Variants in RBMS3 observed in about 807,000 individuals in gnomAD.
RBMS3 encodes RNA binding motif single stranded interacting protein 3.
A neutral mutation model predicts 66.8 loss-of-function variants in RBMS3; 27 were observed. The ratio of observed to expected loss-of-function variants is 0.40; its 90% CI spans 0.30 to 0.56. The LOEUF is 0.56. Ranked by LOEUF, RBMS3 falls within the 20% of genes least tolerant of loss-of-function variation. The pLI is 0.40. For missense variants in RBMS3, 513 were observed against 549.5 expected (o/e 0.93, Z 0.66); for synonymous variants, 188 against 183.0 (o/e 1.03, Z -0.22).
intron 4 of RBMS3, among the ~76,000 whole-genome samples, chr3:29,590,101 G>A (rs2047675308): frequency 6.7e-6 from 1 of 148,196 alleles, no homozygotes; most frequent in South Asian, 2.2e-4. Flanking sequence ...TTTTTTTTTG[G>A]TATCAAAAGT....
intron 10 of RBMS3, among the ~76,000 whole-genome samples, chr3:29,922,495 A>C (rs1384203760): frequency 2.0e-4 from 1 of 5,022 alleles, no homozygotes; most frequent in South Asian, 0.013. Context: ...CTCCGTCTCA[A>C]AAAAAAAAAA....
intron 1 of RBMS3, among the ~76,000 whole-genome samples, chr3:29,357,293 G>A (rs149923839): frequency 0.16 from 23,531 of 151,784 alleles, 1,894 homozygotes; most frequent in East Asian, 0.22. Flanking sequence ...GTGAGAACAC[G>A]CGGTGTTTGG....
chr3:29,704,756 T>C (rs1325941338), intron 4 of RBMS3, among the ~76,000 whole-genome samples: 1 of 152,216 alleles, frequency 6.6e-6, no homozygotes, highest in Non-Finnish European at 1.5e-5. Flanking sequence ...ATTGAAATAA[T>C]TTAAAAAATT....
chr3:29,525,711 G>C (rs2045066472), intron 3 of RBMS3, among the ~76,000 whole-genome samples: 1 of 152,042 alleles, frequency 6.6e-6, no homozygotes, highest in Non-Finnish European at 1.5e-5. Context: ...TTCAATCTTT[G>C]TTCCCTAAAC....
chr3:29,452,334 G>T (rs942473993), intron 2 of RBMS3, among the ~76,000 whole-genome samples: 2 of 152,138 alleles, frequency 1.3e-5, no homozygotes, highest in African/African-American at 2.4e-5. Flanking sequence ...AAGCAAAAAT[G>T]AGAAAACCCA....
intron 1 of RBMS3, among the ~76,000 whole-genome samples, chr3:29,413,376 A>T (rs768504215): frequency 8.5e-5 from 5 of 58,698 alleles, no homozygotes; most frequent in African/African-American, 4.0e-4. Flanking sequence ...TCTCATTCAT[A>T]CATACATACA....
intron 4 of RBMS3, among the ~76,000 whole-genome samples, chr3:29,619,309 T>G (rs2077979): frequency 6.6e-6 from 1 of 151,342 alleles, no homozygotes; most frequent in African/African-American, 2.4e-5. Context: ...AGTTTTAGTT[T>G]AAAAAAAGAA....
At chr3:29,754,885 A>G (rs2055336960) in intron 5 of RBMS3, among the ~76,000 whole-genome samples, 1 of 152,204 alleles carries the variant, frequency 6.6e-6, no homozygotes, top group South Asian at 2.1e-4. Flanking sequence ...GTCAGGAACA[A>G]AAATGCCTTA....
intron 6 of RBMS3, among the ~76,000 whole-genome samples, chr3:29,790,544 G>A (rs527359073): frequency 1.2e-4 from 19 of 152,022 alleles, no homozygotes; most frequent in Non-Finnish European, 2.4e-4. Context: ...GAATATCAAC[G>A]CTCTCAGAAG....
At chr3:29,617,692 G>A (rs1319626481) in intron 4 of RBMS3, among the ~76,000 whole-genome samples, 5 of 152,120 alleles carry the variant, frequency 3.3e-5, no homozygotes, top group African/African-American at 4.8e-5. Context: ...TGGGTTTTGT[G>A]TTGTTCATTT....
At chr3:29,995,456 T>TA (rs1699162957) in intron 14 of RBMS3, among the ~76,000 whole-genome samples, 1 of 151,692 alleles carries the variant, frequency 6.6e-6, no homozygotes, top group Admixed American at 6.6e-5. Context: ...CCAAGACACA[T>TA]AATTGTCAGA....
chr3:29,996,455 C>A (rs1377098216), intron 14 of RBMS3, among the ~76,000 whole-genome samples: 1 of 149,818 alleles, frequency 6.7e-6, no homozygotes, highest in Non-Finnish European at 1.5e-5. Context: ...CCCAAATCAA[C>A]AGAATATACA....
chr3:29,312,578 T>C (rs1041445639), intron 1 of RBMS3, among the ~76,000 whole-genome samples: 3 of 151,786 alleles, frequency 2.0e-5, no homozygotes, highest in South Asian at 4.1e-4. Flanking sequence ...TCTCTTCTTT[T>C]TGCATTTATA....
chr3:29,595,723 G>C (rs2047922985), intron 4 of RBMS3, among the ~76,000 whole-genome samples: 1 of 152,162 alleles, frequency 6.6e-6, no homozygotes, highest in South Asian at 2.1e-4. Flanking sequence ...GAAAACTATT[G>C]GTTGTATGAC....
intron 1 of RBMS3, among the ~76,000 whole-genome samples, chr3:29,352,021 G>A (rs940240455): frequency 2.0e-5 from 3 of 151,800 alleles, no homozygotes; most frequent in African/African-American, 4.8e-5. Context: ...AAATTTGGTT[G>A]CGTCATTATG....
chr3:29,404,587 T>C (rs2039938085), intron 1 of RBMS3, among the ~76,000 whole-genome samples: 1 of 152,130 alleles, frequency 6.6e-6, no homozygotes, highest in South Asian at 2.1e-4. Flanking sequence ...AGCTCTTTTG[T>C]TTCCATCAGC....
intron 3 of RBMS3, among the ~76,000 whole-genome samples, chr3:29,544,084 G>A (rs1378508221): frequency 6.6e-6 from 1 of 152,002 alleles, no homozygotes; most frequent in East Asian, 1.9e-4. Flanking sequence ...AGTTGTCATT[G>A]CTTCCCTAAC....
At chr3:29,688,564 A>ATTTTTTTTTT (rs55943638) in intron 4 of RBMS3, among the ~76,000 whole-genome samples, 4 of 67,130 alleles carry the variant, frequency 6.0e-5, no homozygotes, top group African/African-American at 2.3e-4. Flanking sequence ...AAGTTACAGG[A>ATTTTTTTTTT]TTTTTTTTTT....
rs188807325 is a variant in RBMS3, at chr3:29,655,372, T to C, written c.399+68167T>C. ...CCTCTGGTGAAGCATAAAGTAGCAA[T>C]GAGAATTCTGAGATTTGTTTGCGTG... On this transcript the variant is annotated intron_variant, in intron 4 of 14. Transcript: ENST00000383767. 3.3e-5 allele frequency among the ~76,000 whole-genome samples: 5 copies of C among 152,294 alleles called. No homozygotes were observed. In the East Asian group the frequency reaches 9.7e-4, roughly 29 times the overall value.
Sources: allele counts gnomAD v4.1 joint callset (sites outside exome capture counted in the v4.1 genomes callset), GRCh38; gene constraint gnomAD v4.1.1; transcripts MANE v1.5; gene names NCBI Gene and HGNC (gene_info 2026-07-23, HGNC 2026-07-21).